SHROOM3: variants seen among roughly 807,000 people sequenced by gnomAD.
The protein encoded by SHROOM3 is protein Shroom3.
A neutral mutation model predicts 138.6 loss-of-function variants in SHROOM3; 47 were observed. The observed-to-expected ratio is 0.34, with a 90% CI of 0.27 to 0.43. The LOEUF (loss-of-function observed/expected upper bound fraction) is 0.43, where lower values mean the gene tolerates loss of function less well. SHROOM3 is among the 20% of genes least tolerant of loss of function. The pLI is 1.00. For missense variants in SHROOM3, 2,491 were observed against 2,596.5 expected (o/e 0.96, Z 0.88); for synonymous variants, 1,062 against 1,063.3 (o/e 1.00, Z 0.02).
chr4:76,715,353 A>C (rs1265344418), intron 3 of SHROOM3, among the ~76,000 whole-genome samples: 3 of 152,216 alleles, frequency 2.0e-5, no homozygotes, highest in African/African-American at 7.2e-5. Flanking sequence ...CCAGGGCTTA[A>C]TATTCTCACA....
In SHROOM3 at chr4:76,522,034, C is replaced by A. The variant is rs561915361; in HGVS notation, c.169-33575C>A. Among the ~76,000 whole-genome samples, 4 of 151,240 alleles carry A rather than the reference C, an allele frequency of 2.6e-5. No individual in the cohort carries two copies. In the East Asian group the frequency reaches 7.8e-4, roughly 29 times the overall value. On this transcript the variant is annotated intron_variant, in intron 1 of 10. Transcript: ENST00000296043. ...CCAAATTTGGGGGCAACATATTAAA[C>A]AATTAAACTCTTTTAAAATGTCAAT...
chr4:76,725,310 C>T (rs1056220319), intron 3 of SHROOM3, among the ~76,000 whole-genome samples: 6 of 152,132 alleles, frequency 3.9e-5, no homozygotes, highest in African/African-American at 1.4e-4. Flanking sequence ...AGGTATTGGA[C>T]CTACTTTCTA....
intron 1 of SHROOM3, among the ~76,000 whole-genome samples, chr4:76,551,917 A>G (rs566754839): frequency 2.6e-4 from 39 of 151,338 alleles, no homozygotes; most frequent in African/African-American, 9.4e-4. Context: ...GCTGGAGTGC[A>G]GTGGTGCGAT....
chr4:76,679,760 C>T (rs1171542641), intron 2 of SHROOM3, among the ~76,000 whole-genome samples: 1 of 152,150 alleles, frequency 6.6e-6, no homozygotes, highest in Non-Finnish European at 1.5e-5. Context: ...CTGCACATAA[C>T]CACCTCCCCA....
chr4:76,620,793 G>T (rs1734988457), intron 2 of SHROOM3, among the ~76,000 whole-genome samples: 1 of 152,184 alleles, frequency 6.6e-6, no homozygotes, highest in Non-Finnish European at 1.5e-5. Context: ...GGAACCCGAT[G>T]ACCATCTTCC....
chr4:76,567,951 C>T (rs1241895146), intron 2 of SHROOM3, among the ~76,000 whole-genome samples: 2 of 151,992 alleles, frequency 1.3e-5, no homozygotes, highest in African/African-American at 4.8e-5. Flanking sequence ...GACTTGCTCC[C>T]TCACTTCCTT....
At chr4:76,640,833 G>C (rs1735646394) in intron 2 of SHROOM3, among the ~76,000 whole-genome samples, 1 of 152,204 alleles carries the variant, frequency 6.6e-6, no homozygotes, top group African/African-American at 2.4e-5. Context: ...CTTAAAAAAG[G>C]AGAGCTGCAG....
rs199679986 is a variant in SHROOM3 at position 76,504,156 on chromosome 4, CA to C, written c.169-51446del. ...TGTGTTGAGAGAGAAGCCGACTTCTCAAAAAAATTTTTTTTTTTTGAAACGG... is the reference window on the plus strand; with the variant it reads ...TGTGTTGAGAGAGAAGCCGACTTCTCAAAAAATTTTTTTTTTTTGAAACGG... On this transcript the variant is annotated intron_variant, in intron 1 of 10. Transcript: ENST00000296043. Among the ~76,000 whole-genome samples the C allele has an allele frequency of 4.0e-5, 6 of 151,636 alleles. No individual in the cohort carries two copies. The East Asian group carries it at 7.7e-4, about 20-fold the overall frequency.
chr4:76,652,162 G>A (rs1332520754), intron 2 of SHROOM3, among the ~76,000 whole-genome samples: 1 of 152,152 alleles, frequency 6.6e-6, no homozygotes. Flanking sequence ...AACTTACCTG[G>A]TGTTGGCAGT....
chr4:76,700,226 G>C (rs1178135311), intron 2 of SHROOM3, among the ~76,000 whole-genome samples: 4 of 152,146 alleles, frequency 2.6e-5, no homozygotes, highest in Admixed American at 2.0e-4. Context: ...CCAGCATTTG[G>C]ACAAACTTCC....
intron 2 of SHROOM3, among the ~76,000 whole-genome samples, chr4:76,591,412 A>C (rs1734270876): frequency 6.6e-6 from 1 of 152,162 alleles, no homozygotes; most frequent in Admixed American, 6.5e-5. Flanking sequence ...TTTCATGAGA[A>C]CTTTTAGATC....
chr4:76,695,143 C>T (rs1577978876), intron 2 of SHROOM3, among the ~76,000 whole-genome samples: 1 of 152,184 alleles, frequency 6.6e-6, no homozygotes, highest in Non-Finnish European at 1.5e-5. Context: ...GTTAATGGGT[C>T]TACCACCTTT....
chr4:76,528,111 G>A (rs1050909825), intron 1 of SHROOM3, among the ~76,000 whole-genome samples: 1 of 152,232 alleles, frequency 6.6e-6, no homozygotes, highest in African/African-American at 2.4e-5. Flanking sequence ...TAGTAACAGT[G>A]AATTAATTTA....
intron 1 of SHROOM3, among the ~76,000 whole-genome samples, chr4:76,438,102 T>A (rs950500129): frequency 6.6e-6 from 1 of 152,202 alleles, no homozygotes; most frequent in African/African-American, 2.4e-5. Context: ...AGCAGACATG[T>A]GTAGTAGGAG....
rs564982438 is a variant in SHROOM3, at chr4:76,665,659, T to C, written c.324-44497T>C. ...ACTTGATTCCTGGCACTTTCATCTG[T>C]CTCTCATGATCCCAATAGAATAGAA... On this transcript the variant is annotated intron_variant, in intron 2 of 10. Coordinates refer to ENST00000296043, the MANE Select transcript of SHROOM3 (RefSeq NM_020859.4). Among the ~76,000 whole-genome samples the C allele has an allele frequency of 6.6e-5, 10 of 152,364 alleles. No homozygotes were observed. In the South Asian group the frequency reaches 2.1e-3, roughly 32 times the overall value.
chr4:76,463,110 A>T (rs777804207), intron 1 of SHROOM3, among the ~76,000 whole-genome samples: 2 of 152,222 alleles, frequency 1.3e-5, no homozygotes, highest in Non-Finnish European at 2.9e-5. Context: ...CTAGAGACTT[A>T]GTGAATGGTT....
At position 76,536,346 on chromosome 4, in the gene SHROOM3, T is replaced by C. The variant is rs71607362; in HGVS notation, c.169-19263T>C. Among the ~76,000 whole-genome samples, 287 of 152,314 alleles carry C rather than the reference T, an allele frequency of 1.9e-3. 1 individual carries two copies. The highest frequency in any genetic ancestry group is 3.3e-3 in the Admixed American group (51 of 15,306). On this transcript the variant is annotated intron_variant, in intron 1 of 10. Transcript: ENST00000296043. Reference sequence around the variant, plus strand: ...GGAATCTAACCCTCAGCTGAGCATATAGAGGTTTCATTTTAAGGTGGTATC... The same window carrying C: ...GGAATCTAACCCTCAGCTGAGCATACAGAGGTTTCATTTTAAGGTGGTATC...
chr4:76,614,350 G>T (rs944989861), intron 2 of SHROOM3, among the ~76,000 whole-genome samples: 1 of 152,034 alleles, frequency 6.6e-6, no homozygotes, highest in African/African-American at 2.4e-5. Flanking sequence ...CACTGCGCCC[G>T]GTCCTAAATG....
chr4:76,752,806 A>C (rs1319611095), intron 6 of SHROOM3, among the ~76,000 whole-genome samples: 1 of 152,206 alleles, frequency 6.6e-6, no homozygotes, highest in Non-Finnish European at 1.5e-5. Flanking sequence ...TGGATCTTTA[A>C]AGGATAAGTG....
Sources: gnomAD v4.1 joint callset for allele counts (sites outside exome capture counted in the v4.1 genomes callset) on GRCh38, gnomAD v4.1.1 for gene constraint, MANE v1.5 for transcripts, NCBI Gene and HGNC (gene_info 2026-07-23, HGNC 2026-07-21) for gene names.